Variants in SPMIP2 observed in about 807,000 individuals in gnomAD.
SPMIP2 encodes sperm microtubule inner protein 2.
chr4:158,957,171 G>C, the SPMIP2 span, among the ~76,000 whole-genome samples: 1 of 152,056 alleles, frequency 6.6e-6, no homozygotes, highest in Admixed American at 6.6e-5. Flanking sequence ...ATTCCAGAAT[G>C]ATCTTAACAA....
the SPMIP2 span, among the ~76,000 whole-genome samples, chr4:159,010,665 G>T: frequency 6.6e-6 from 1 of 152,092 alleles, no homozygotes; most frequent in African/African-American, 2.4e-5. Flanking sequence ...CTACCATGTG[G>T]CCCAATCGGG....
At chr4:159,073,928 C>T in the SPMIP2 span, among the ~76,000 whole-genome samples, 4 of 152,068 alleles carry the variant, frequency 2.6e-5, no homozygotes, top group African/African-American at 7.2e-5. Context: ...CACCTTGAAC[C>T]CAGGAGGTGG....
the SPMIP2 span, among the ~76,000 whole-genome samples, chr4:158,933,494 T>G: frequency 1.3e-5 from 2 of 152,180 alleles, no homozygotes; most frequent in East Asian, 3.8e-4. Flanking sequence ...CCCTCCTCCA[T>G]ATGCTGAAGT....
the SPMIP2 span, among the ~76,000 whole-genome samples, chr4:159,028,385 C>T: frequency 6.6e-6 from 1 of 151,926 alleles, no homozygotes; most frequent in Non-Finnish European, 1.5e-5. Flanking sequence ...GGCTGGAGTG[C>T]AGTAGTGTGA....
chr4:158,948,006 A>T, the SPMIP2 span, among the ~76,000 whole-genome samples: 2 of 152,140 alleles, frequency 1.3e-5, no homozygotes, highest in Non-Finnish European at 2.9e-5. Context: ...TCCCTGCTCC[A>T]ATGTTCTCTT....
At chr4:159,073,422 G>A in the SPMIP2 span, among the ~76,000 whole-genome samples, 1 of 152,096 alleles carries the variant, frequency 6.6e-6, no homozygotes, top group African/African-American at 2.4e-5. Context: ...CCAAAGTGCT[G>A]GGATTACAGG....
chr4:159,047,477 G>T, the SPMIP2 span, among the ~76,000 whole-genome samples: 1 of 151,988 alleles, frequency 6.6e-6, no homozygotes, highest in Non-Finnish European at 1.5e-5. Flanking sequence ...TCTCATTCCT[G>T]CCTTGTTCCA....
At chr4:158,968,629 T>G in the SPMIP2 span, among the ~76,000 whole-genome samples, 1 of 152,228 alleles carries the variant, frequency 6.6e-6, no homozygotes, top group Admixed American at 6.5e-5. Flanking sequence ...GGCTCTACTA[T>G]TTACTAGCTG....
the SPMIP2 span, among the ~76,000 whole-genome samples, chr4:158,928,969 C>CTTA: frequency 6.6e-6 from 1 of 152,204 alleles, no homozygotes; most frequent in East Asian, 1.9e-4. Flanking sequence ...GAACAAACTC[C>CTTA]AGACGCGCCA....
At chr4:159,033,309 G>A in the SPMIP2 span, among the ~76,000 whole-genome samples, 1 of 151,540 alleles carries the variant, frequency 6.6e-6, no homozygotes, top group Non-Finnish European at 1.5e-5. Flanking sequence ...GGGGGAGGGG[G>A]GAATGAATAG....
At chr4:159,032,461 G>T in the SPMIP2 span, among the ~76,000 whole-genome samples, 1 of 152,164 alleles carries the variant, frequency 6.6e-6, no homozygotes, top group African/African-American at 2.4e-5. Flanking sequence ...GTGAAGCTAA[G>T]TATTATATGT....
the SPMIP2 span, among the ~76,000 whole-genome samples, chr4:158,944,081 C>T: frequency 6.6e-6 from 1 of 151,944 alleles, no homozygotes; most frequent in Non-Finnish European, 1.5e-5. Flanking sequence ...GTCTCAATCC[C>T]CTGACCTTGT....
the SPMIP2 span, among the ~76,000 whole-genome samples, chr4:158,979,438 T>C: frequency 6.6e-6 from 1 of 152,232 alleles, no homozygotes; most frequent in South Asian, 2.1e-4. Flanking sequence ...GCTGGCAAGA[T>C]GGCTGAGTAG....
chr4:159,030,507 ATTTATTTG>A, the SPMIP2 span, among the ~76,000 whole-genome samples: 3 of 101,470 alleles, frequency 3.0e-5, no homozygotes, highest in African/African-American at 7.8e-5. Flanking sequence ...TTATTTATTT[ATTTATTTG>A]AGACAGAGTA....
chr4:159,004,987 C>T, the SPMIP2 span, among the ~76,000 whole-genome samples: 2 of 152,012 alleles, frequency 1.3e-5, no homozygotes, highest in Non-Finnish European at 1.5e-5. Flanking sequence ...AATCCCAGCA[C>T]TTTGGGAGGT....
At chr4:158,928,350 A>T in the SPMIP2 span, among the ~76,000 whole-genome samples, 1 of 137,872 alleles carries the variant, frequency 7.3e-6, no homozygotes, top group Non-Finnish European at 1.6e-5. Flanking sequence ...ACCAATCGGC[A>T]CTCTGTATCT....
chr4:158,970,165 C>T, the SPMIP2 span, among the ~76,000 whole-genome samples: 2 of 152,168 alleles, frequency 1.3e-5, no homozygotes, highest in African/African-American at 2.4e-5. Context: ...TGTCAATTCA[C>T]GCACCAAGTC....
the SPMIP2 span, among the ~76,000 whole-genome samples, chr4:159,073,774 G>A: frequency 2.6e-5 from 4 of 152,158 alleles, no homozygotes; most frequent in Non-Finnish European, 5.9e-5. Context: ...GGCTAGGGCG[G>A]GAGGATCACC....
At chr4:159,055,189 A>G in the SPMIP2 span, among the ~76,000 whole-genome samples, 1 of 152,220 alleles carries the variant, frequency 6.6e-6, no homozygotes, top group African/African-American at 2.4e-5. Flanking sequence ...ATTCAGTGAC[A>G]GGAAAAGCAT....
Sources: gnomAD v4.1 joint callset for allele counts (sites outside exome capture counted in the v4.1 genomes callset) on GRCh38, gnomAD v4.1.1 for gene constraint, MANE v1.5 for transcripts, NCBI Gene and HGNC (gene_info 2026-07-23, HGNC 2026-07-21) for gene names.